Variants in MYO3A observed in about 807,000 individuals in gnomAD.
The protein encoded by MYO3A is myosin IIIA.
Under a neutral mutation model 192.7 loss-of-function variants are expected in MYO3A, and 180 were observed. The ratio of observed to expected loss-of-function variants is 0.93; its 90% CI spans 0.83 to 1.06. The LOEUF is 1.06. Among genes scored for constraint, MYO3A ranks in the 50% least tolerant of loss-of-function variants. MYO3A has a pLI of 0.00. For missense variants in MYO3A, 1,896 were observed against 1,905.0 expected, an observed-to-expected ratio of 1.00 and a Z score of 0.09; for synonymous variants, 628 against 645.3, an observed-to-expected ratio of 0.97 and a Z score of 0.41.
chr10:26,126,488 T>G (rs1366669484), intron 19 of MYO3A, among the ~76,000 whole-genome samples: 1 of 152,198 alleles, frequency 6.6e-6, no homozygotes, highest in Non-Finnish European at 1.5e-5. Flanking sequence ...TATTTCTCCA[T>G]GTTCTTAACT....
At chr10:26,068,643 A>T in intron 11 of MYO3A, 125 bp from the exon 12 acceptor site, 1 of 608,484 alleles carries the variant, frequency 1.6e-6, no homozygotes, top group Non-Finnish European at 2.9e-6. Context: ...TTTTACTATC[A>T]GTGTGTCTGT....
intron 10 of MYO3A, among the ~76,000 whole-genome samples, chr10:26,036,454 G>C (rs1843045357): frequency 6.6e-6 from 1 of 152,026 alleles, no homozygotes; most frequent in Non-Finnish European, 1.5e-5. Flanking sequence ...TTTGGAGTTT[G>C]CCTATGTTAT....
At chr10:25,992,792 T>C (rs1243301126) in intron 4 of MYO3A, among the ~76,000 whole-genome samples, 2 of 152,242 alleles carry the variant, frequency 1.3e-5, no homozygotes, top group Non-Finnish European at 2.9e-5. Flanking sequence ...TTGGTTCTGT[T>C]TATATGCTGG....
chr10:26,048,073 A>C (rs970050864), intron 10 of MYO3A, among the ~76,000 whole-genome samples: 5 of 152,204 alleles, frequency 3.3e-5, no homozygotes, highest in African/African-American at 9.6e-5. Flanking sequence ...TAACTTTAGC[A>C]ATGACAGATA....
At position 26,036,730 on chromosome 10, in the gene MYO3A, G is replaced by T. The variant is rs552427566; in HGVS notation, c.953+10198G>T. ...ACCAACTTGCTCATCTCTCCCTGTGGATCCACCCATACTGTAGCCCCTGGG... is the reference window on the plus strand; with the variant it reads ...ACCAACTTGCTCATCTCTCCCTGTGTATCCACCCATACTGTAGCCCCTGGG... On this transcript the variant is annotated intron_variant, in intron 10 of 34. Coordinates refer to ENST00000642920, the MANE Select transcript of MYO3A (RefSeq NM_017433.5). Among the ~76,000 whole-genome samples, 8 of 152,278 alleles carry T rather than the reference G, an allele frequency of 5.3e-5. No individual in the cohort carries two copies. In the South Asian group the frequency reaches 1.7e-3, roughly 32 times the overall value.
At chr10:26,115,334 A>C (rs1380614649) in intron 17 of MYO3A, among the ~76,000 whole-genome samples, 1 of 152,206 alleles carries the variant, frequency 6.6e-6, no homozygotes, top group Non-Finnish European at 1.5e-5. Context: ...TATGACCCTC[A>C]CCTTGACAGA....
chr10:26,082,715 T>A (rs1305403783), intron 14 of MYO3A, among the ~76,000 whole-genome samples: 1 of 152,084 alleles, frequency 6.6e-6, no homozygotes, highest in Non-Finnish European at 1.5e-5. Flanking sequence ...TATACTGTAA[T>A]AAAGGTTATA....
intron 4 of MYO3A, among the ~76,000 whole-genome samples, chr10:25,957,234 G>C (rs1254648946): frequency 1.3e-5 from 2 of 152,068 alleles, no homozygotes; most frequent in African/African-American, 4.8e-5. Context: ...AATCGTGGGG[G>C]CAGGTCTTTC....
intron 10 of MYO3A, among the ~76,000 whole-genome samples, chr10:26,065,605 A>AAAAACACAT (rs1554817240): frequency 1.7e-5 from 2 of 118,726 alleles, no homozygotes; most frequent in Non-Finnish European, 3.6e-5. Context: ...AAAAAAAAAA[A>AAAAACACAT]AAAAAAAAGT....
intron 4 of MYO3A, among the ~76,000 whole-genome samples, chr10:25,990,276 T>C (rs1839929735): frequency 6.6e-6 from 1 of 152,080 alleles, no homozygotes; most frequent in South Asian, 2.1e-4. Flanking sequence ...TTCTAAGATA[T>C]TATTTGTAAT....
intron 29 of MYO3A, among the ~76,000 whole-genome samples, chr10:26,170,853 T>C (rs1387670096): frequency 6.6e-6 from 1 of 152,196 alleles, no homozygotes; most frequent in Non-Finnish European, 1.5e-5. Context: ...CCCTGGGCCC[T>C]CTCATTCATT....
intron 3 of MYO3A, among the ~76,000 whole-genome samples, chr10:25,954,489 G>C (rs1215213235): frequency 6.6e-6 from 1 of 152,018 alleles, no homozygotes; most frequent in Non-Finnish European, 1.5e-5. Flanking sequence ...GAAACAAAAT[G>C]AACCAGATTT....
chr10:26,020,606 T>C (rs1224690150), intron 7 of MYO3A, among the ~76,000 whole-genome samples: 1 of 152,200 alleles, frequency 6.6e-6, no homozygotes, highest in East Asian at 1.9e-4. Flanking sequence ...TTATTTTTTC[T>C]TGTGGGTTGG....
At chr10:26,008,026 A>G (rs961611949) in intron 6 of MYO3A, among the ~76,000 whole-genome samples, 2 of 151,040 alleles carry the variant, frequency 1.3e-5, no homozygotes, top group Non-Finnish European at 2.9e-5. Flanking sequence ...TACTGGTACC[A>G]AAACACAGAT....
chr10:26,145,090 A>C (rs1840375815), intron 21 of MYO3A, among the ~76,000 whole-genome samples: 1 of 151,920 alleles, frequency 6.6e-6, no homozygotes, highest in Non-Finnish European at 1.5e-5. Flanking sequence ...GAGGCAGGAG[A>C]ATCACTTGAA....
intron 10 of MYO3A, among the ~76,000 whole-genome samples, chr10:26,061,947 T>G (rs12774885): frequency 6.6e-6 from 1 of 151,718 alleles, no homozygotes; most frequent in Non-Finnish European, 1.5e-5. Context: ...GTTATACTTA[T>G]AAGAATCGCT....
intron 34 of MYO3A, among the ~76,000 whole-genome samples, chr10:26,210,773 A>C (rs1234332913): frequency 6.6e-6 from 1 of 151,976 alleles, no homozygotes; most frequent in African/African-American, 2.4e-5. Flanking sequence ...ACTCTTTTCA[A>C]GCCACAGTGG....
chr10:26,000,914 A>G (rs367773308), intron 6 of MYO3A, among the ~76,000 whole-genome samples: 1 of 152,130 alleles, frequency 6.6e-6, no homozygotes, highest in African/African-American at 2.4e-5. Context: ...GAAACTTACA[A>G]TCATGGCAGG....
chr10:26,176,451 A>T (rs1842338741), intron 30 of MYO3A, among the ~76,000 whole-genome samples: 1 of 152,218 alleles, frequency 6.6e-6, no homozygotes, highest in Non-Finnish European at 1.5e-5. Context: ...TCAGAACAGA[A>T]TTCTGCATGT....
Sources: allele counts gnomAD v4.1 joint callset (sites outside exome capture counted in the v4.1 genomes callset), GRCh38; gene constraint gnomAD v4.1.1; transcripts MANE v1.5; gene names NCBI Gene and HGNC (gene_info 2026-07-23, HGNC 2026-07-21).